Variants in PARD3 observed in about 807,000 individuals in gnomAD.
The protein encoded by PARD3 is par-3 family cell polarity regulator.
PARD3 carries 75 observed loss-of-function variants against 155.4 expected under a neutral mutation model. That is an observed-to-expected ratio of 0.48 (90% CI 0.40 to 0.58). The LOEUF is 0.58. Ranked by LOEUF, PARD3 falls within the 20% of genes least tolerant of loss-of-function variation. The pLI, the probability that PARD3 is intolerant of heterozygous loss-of-function variation, is 0.00. For synonymous variants in PARD3, 576 were observed against 610.5 expected, an observed-to-expected ratio of 0.94 and a Z score of 0.83; for missense variants, 1,642 against 1,721.7, an observed-to-expected ratio of 0.95 and a Z score of 0.82.
chr10:34,125,071 C>CTTTCTTTTTTTTTT (rs1554790399), intron 23 of PARD3, among the ~76,000 whole-genome samples: 41 of 140,640 alleles, frequency 2.9e-4, no homozygotes, highest in African/African-American at 1.1e-3. Flanking sequence ...CTATTTCTTT[C>CTTTCTTTTTTTTTT]TTTTTTTTTT....
intron 2 of PARD3, among the ~76,000 whole-genome samples, chr10:34,526,887 G>A (rs529327465): frequency 2.1e-4 from 32 of 152,238 alleles, no homozygotes; most frequent in East Asian, 5.8e-4. Flanking sequence ...TCACAGAACC[G>A]AGACATTCCC....
intron 18 of PARD3, among the ~76,000 whole-genome samples, chr10:34,334,168 C>T (rs1359352707): frequency 6.6e-6 from 1 of 151,438 alleles, no homozygotes; most frequent in Non-Finnish European, 1.5e-5. Context: ...AAGAATGAAA[C>T]CATTAGAAAT....
intron 1 of PARD3, among the ~76,000 whole-genome samples, chr10:34,737,601 G>C (rs1007215185): frequency 6.6e-6 from 1 of 152,194 alleles, no homozygotes; most frequent in Non-Finnish European, 1.5e-5. Flanking sequence ...ACAGTAGAGA[G>C]GAGGTGCCTT....
chr10:34,794,448 T>C (rs1842024083), intron 1 of PARD3, among the ~76,000 whole-genome samples: 1 of 152,200 alleles, frequency 6.6e-6, no homozygotes, highest in African/African-American at 2.4e-5. Context: ...CAAAATCTTA[T>C]CTAAGAAAGG....
chr10:34,696,712 T>C (rs1380495639), intron 1 of PARD3, among the ~76,000 whole-genome samples: 1 of 150,260 alleles, frequency 6.7e-6, no homozygotes, highest in Non-Finnish European at 1.5e-5. Context: ...CTGATTTCTC[T>C]AAAGCATACT....
intron 4 of PARD3, among the ~76,000 whole-genome samples, chr10:34,465,319 G>GA (rs1198756858): frequency 1.3e-5 from 2 of 151,248 alleles, no homozygotes; most frequent in South Asian, 2.1e-4. Context: ...TACTATCAGG[G>GA]AAAAAAAAGG....
At chr10:34,270,735 ACT>A (rs1783178082) in intron 21 of PARD3, among the ~76,000 whole-genome samples, 1 of 152,078 alleles carries the variant, frequency 6.6e-6, no homozygotes, top group Non-Finnish European at 1.5e-5. Flanking sequence ...AATGACATCG[ACT>A]CTGTCATTTC....
At chr10:34,440,351 G>A (rs772079054) in intron 5 of PARD3, among the ~76,000 whole-genome samples, 19 of 152,118 alleles carry the variant, frequency 1.2e-4, no homozygotes, top group East Asian at 1.9e-4. Flanking sequence ...AGCAAATGAC[G>A]TACAGATGGG....
chr10:34,344,987 T>A, intron 15 of PARD3: 1 of 985,362 alleles, frequency 1.0e-6, no homozygotes, highest in Non-Finnish European at 1.2e-6. Context: ...AGATTTAACG[T>A]CTTTGATTTT....
At chr10:34,656,995 C>T (rs1389116648) in intron 2 of PARD3, among the ~76,000 whole-genome samples, 1 of 152,188 alleles carries the variant, frequency 6.6e-6, no homozygotes, top group African/African-American at 2.4e-5. Context: ...AAGAGACAAG[C>T]TGTCACATTT....
intron 20 of PARD3, among the ~76,000 whole-genome samples, chr10:34,287,693 C>CT (rs1956465869): frequency 6.6e-6 from 1 of 152,146 alleles, no homozygotes; most frequent in Admixed American, 6.5e-5. Context: ...CACATAGTCT[C>CT]ATATATATAT....
chr10:34,323,275 T>C (rs1240889076), intron 19 of PARD3, among the ~76,000 whole-genome samples: 1 of 152,060 alleles, frequency 6.6e-6, no homozygotes. Context: ...GACTCTGACT[T>C]TTAACATTAG....
intron 22 of PARD3, among the ~76,000 whole-genome samples, chr10:34,198,245 G>C (rs1951042811): frequency 6.6e-6 from 1 of 151,652 alleles, no homozygotes; most frequent in Admixed American, 6.6e-5. Context: ...GGATAATGCA[G>C]CTATTTTAAA....
rs544960606 is a variant in PARD3, at chr10:34,301,292, A to G, written c.3065+15815T>C. ...TACTGACTAATCACTCCATGTAGCCAAGACCAGGAGGACTTTCTGACCTCT... is the reference window on the plus strand; with the variant it reads ...TACTGACTAATCACTCCATGTAGCCGAGACCAGGAGGACTTTCTGACCTCT... On this transcript the variant is annotated intron_variant, in intron 20 of 24. Coordinates refer to ENST00000374788, the MANE Select transcript of PARD3 (RefSeq NM_001184785.2). 6.6e-5 allele frequency among the ~76,000 whole-genome samples: 10 copies of G among 152,306 alleles called. No homozygotes were observed. In the East Asian group the frequency reaches 1.9e-3, roughly 29 times the overall value.
intron 22 of PARD3, among the ~76,000 whole-genome samples, chr10:34,267,013 T>C (rs1955348069): frequency 6.6e-6 from 1 of 152,172 alleles, no homozygotes; most frequent in African/African-American, 2.4e-5. Flanking sequence ...CTGAGCTGTG[T>C]GAAAAACTGC....
chr10:34,635,268 C>T (rs1237072159), intron 2 of PARD3, among the ~76,000 whole-genome samples: 3 of 152,188 alleles, frequency 2.0e-5, no homozygotes, highest in African/African-American at 7.2e-5. Context: ...ATGCTAAAGG[C>T]ATAGGATTTC....
At chr10:34,196,562 C>A (rs966532520) in intron 22 of PARD3, among the ~76,000 whole-genome samples, 3 of 147,046 alleles carry the variant, frequency 2.0e-5, no homozygotes, top group African/African-American at 7.8e-5. Flanking sequence ...TACTTTGTAC[C>A]CTTTTCTTTT....
chr10:34,205,979 T>G (rs34276985), intron 22 of PARD3, among the ~76,000 whole-genome samples: 4,188 of 152,154 alleles, frequency 0.028, 89 homozygotes, highest in Non-Finnish European at 0.041. Flanking sequence ...CACCTGTGGC[T>G]GTGTGGGGTC....
chr10:34,509,347 C>T (rs2081270979), intron 3 of PARD3, among the ~76,000 whole-genome samples: 1 of 152,070 alleles, frequency 6.6e-6, no homozygotes, highest in South Asian at 2.1e-4. Flanking sequence ...AGCCTGAAAA[C>T]AAGGGGGTCA....
Sources: gnomAD v4.1 joint callset for allele counts (sites outside exome capture counted in the v4.1 genomes callset) on GRCh38, gnomAD v4.1.1 for gene constraint, MANE v1.5 for transcripts, NCBI Gene and HGNC (gene_info 2026-07-23, HGNC 2026-07-21) for gene names.